FER1L6: variants seen among roughly 807,000 people sequenced by gnomAD.
The protein encoded by FER1L6 is fer-1 like family member 6, also known as fer-1-like protein 6.
In FER1L6, 177 loss-of-function variants were observed where a neutral mutation model predicts 219.2. That is an observed-to-expected ratio of 0.81 (90% confidence interval 0.71 to 0.91). The LOEUF (loss-of-function observed/expected upper bound fraction) is 0.91. Among genes scored for constraint, FER1L6 ranks in the 40% least tolerant of loss-of-function variants. The pLI is 0.00. For synonymous variants in FER1L6, 768 were observed against 824.3 expected (o/e 0.93, Z 1.17); for missense variants, 2,153 against 2,259.9 (o/e 0.95, Z 0.96).
At chr8:124,027,183 A>G (rs1818745019) in intron 18 of FER1L6, among the ~76,000 whole-genome samples, 1 of 152,182 alleles carries the variant, frequency 6.6e-6, no homozygotes, top group African/African-American at 2.4e-5. Context: ...CTATTTCCAA[A>G]TAAGGTCATA....
intron 1 of FER1L6, among the ~76,000 whole-genome samples, chr8:123,925,080 A>C (rs938549361): frequency 6.6e-6 from 1 of 152,202 alleles, no homozygotes; most frequent in African/African-American, 2.4e-5. Flanking sequence ...GTTATTAATA[A>C]ATTTTATTCT....
chr8:123,887,463 C>T (rs1433121467), intron 1 of FER1L6, among the ~76,000 whole-genome samples: 1 of 152,188 alleles, frequency 6.6e-6, no homozygotes, highest in Non-Finnish European at 1.5e-5. Flanking sequence ...TCTGGCCCCA[C>T]CACAGCTGGC....
At chr8:123,882,983 T>C (rs1817136692) in intron 1 of FER1L6, among the ~76,000 whole-genome samples, 1 of 151,648 alleles carries the variant, frequency 6.6e-6, no homozygotes, top group Non-Finnish European at 1.5e-5. Flanking sequence ...TGTGTGGGGG[T>C]TGGGGGTGTG....
At chr8:124,074,888 A>G (rs371119160) in intron 31 of FER1L6, among the ~76,000 whole-genome samples, 2 of 152,160 alleles carry the variant, frequency 1.3e-5, no homozygotes, top group South Asian at 4.1e-4. Flanking sequence ...ACACAATGGT[A>G]TTTGTGTATC....
chr8:124,000,229 C>T (rs1269049414), intron 12 of FER1L6, among the ~76,000 whole-genome samples: 2 of 152,132 alleles, frequency 1.3e-5, no homozygotes, highest in African/African-American at 4.8e-5. Flanking sequence ...CTTTCCACAC[C>T]ATTTGGCCAC....
chr8:123,979,396 T>C (rs575270067), intron 10 of FER1L6, among the ~76,000 whole-genome samples: 1 of 152,290 alleles, frequency 6.6e-6, no homozygotes, highest in South Asian at 2.1e-4. Context: ...CAGGTACTAT[T>C]AACATCTCCC....
intron 1 of FER1L6, among the ~76,000 whole-genome samples, chr8:123,881,302 A>G (rs1340915702): frequency 6.6e-6 from 1 of 152,180 alleles, no homozygotes; most frequent in Non-Finnish European, 1.5e-5. Context: ...TCATGAGGGT[A>G]GGGTAGAATG....
At chr8:124,101,424 A>C in intron 38 of FER1L6, 86 bp downstream of exon 38, 1 of 1,282,310 alleles carries the variant, frequency 7.8e-7, no homozygotes, top group South Asian at 1.4e-5. Context: ...TAGTTACAAG[A>C]CTAATAATTT....
chr8:124,089,146 C>T (rs1821911416), intron 33 of FER1L6, among the ~76,000 whole-genome samples: 3 of 152,268 alleles, frequency 2.0e-5, no homozygotes, highest in African/African-American at 4.8e-5. Flanking sequence ...CCTGCGGTGG[C>T]GGAGCTTGCT....
At chr8:123,854,648 A>G (rs565096353) in intron 1 of FER1L6, among the ~76,000 whole-genome samples, 1 of 152,310 alleles carries the variant, frequency 6.6e-6, no homozygotes, top group East Asian at 1.9e-4. Flanking sequence ...GTGTCTTCAC[A>G]GGCCCTTCTC....
chr8:123,999,214 T>C (rs1817289107), intron 12 of FER1L6, among the ~76,000 whole-genome samples: 1 of 151,822 alleles, frequency 6.6e-6, no homozygotes, highest in Non-Finnish European at 1.5e-5. Context: ...CCAAGGACAG[T>C]GGTGAGTACT....
intron 1 of FER1L6, among the ~76,000 whole-genome samples, chr8:123,856,051 C>A: frequency 7.6e-6 from 1 of 130,766 alleles, no homozygotes; most frequent in Non-Finnish European, 1.6e-5. Flanking sequence ...TATGTATATA[C>A]ATATGTGTAT....
At chr8:124,071,341 G>C (rs1260191695) in intron 30 of FER1L6, among the ~76,000 whole-genome samples, 165 bp from the exon 31 acceptor site, 1 of 152,172 alleles carries the variant, frequency 6.6e-6, no homozygotes, top group Non-Finnish European at 1.5e-5. Flanking sequence ...TCAGATGCAA[G>C]CAGGCTACAT....
intron 24 of FER1L6, 27 bp downstream of exon 24, chr8:124,060,736 G>A (rs1820530966): frequency 3.1e-6 from 5 of 1,602,578 alleles, no homozygotes; most frequent in Non-Finnish European, 4.3e-6. Flanking sequence ...CTCCCGACCT[G>A]GCTCATTCCT....
intron 13 of FER1L6, among the ~76,000 whole-genome samples, chr8:124,008,922 A>G (rs1202669610): frequency 2.1e-5 from 3 of 141,572 alleles, no homozygotes; most frequent in Non-Finnish European, 4.5e-5. Flanking sequence ...CACAATGCTC[A>G]AAATGCACAA....
At chr8:123,908,073 T>G (rs1039313094) in intron 1 of FER1L6, among the ~76,000 whole-genome samples, 1 of 152,126 alleles carries the variant, frequency 6.6e-6, no homozygotes, top group South Asian at 2.1e-4. Context: ...CCTGATAAAC[T>G]GTTAGATGCT....
intron 1 of FER1L6, among the ~76,000 whole-genome samples, chr8:123,878,736 A>G (rs148055965): frequency 1.5e-3 from 225 of 152,364 alleles, no homozygotes; most frequent in African/African-American, 5.2e-3. Context: ...GCCTTGTCCA[A>G]ATACTATTTT....
intron 33 of FER1L6, among the ~76,000 whole-genome samples, chr8:124,091,186 A>G (rs923783198): frequency 6.6e-6 from 1 of 152,264 alleles, no homozygotes; most frequent in African/African-American, 2.4e-5. Context: ...CAATTTAAAA[A>G]AAATGAAAAG....
intron 18 of FER1L6, among the ~76,000 whole-genome samples, chr8:124,024,468 C>G (rs1390436709): frequency 1.3e-5 from 2 of 150,564 alleles, no homozygotes; most frequent in Admixed American, 1.3e-4. Flanking sequence ...GTTTTCCATT[C>G]TTGAGTTACT....
Sources: gnomAD v4.1 joint callset for allele counts (sites outside exome capture counted in the v4.1 genomes callset) on GRCh38, gnomAD v4.1.1 for gene constraint, MANE v1.5 for transcripts, NCBI Gene and HGNC (gene_info 2026-07-23, HGNC 2026-07-21) for gene names.